The following SLC49A3 variants were observed in gnomAD, a reference collection of about 807,000 sequenced individuals.
The protein encoded by SLC49A3 is solute carrier family 49 member A3.
SLC49A3 carries 50 observed loss-of-function variants against 43.8 expected under a neutral mutation model. The observed-to-expected ratio is 1.14, with a 90% CI of 0.91 to 1.45. The LOEUF is 1.45. Ranked by LOEUF, SLC49A3 falls within the 40% of genes most tolerant of loss-of-function variation. The probability of loss-of-function intolerance (pLI) is 0.00; values close to 1 mark genes in which losing one functional copy is unlikely to be tolerated. For missense variants in SLC49A3, 906 were observed against 774.1 expected (o/e 1.17, Z -2.02); for synonymous variants, 413 against 352.0 (o/e 1.17, Z -1.94).
downstream of SLC49A3, chr4:678,096 T>C (rs1193326573): frequency 6.3e-7 from 1 of 1,594,834 alleles, no homozygotes; most frequent in South Asian, 1.1e-5. Context: ...CATGTGTACA[T>C]GCGCACAGAC....
Position 685,856 on chromosome 4 carries a change from C to T in SLC49A3, c.564G>A (p.Lys188=). ...ANVLSPVLVK[K]GEDIPLMLGV... ...TCACCATTAACGGAATGTCCTCACCCTTCTTGACCAGCACAGGGGACAGCA... is the reference window on the plus strand; with the variant it reads ...TCACCATTAACGGAATGTCCTCACCTTTCTTGACCAGCACAGGGGACAGCA... Residue 188 remains lysine, a synonymous_variant, in exon 4 of 10, where the codon AAG becomes AAA. Transcript: ENST00000322224. This position sits in a 1 kb window ranked among gnomAD's most constrained non-coding sequence, Gnocchi z 4.3. The T allele has an allele frequency of 2.5e-6, 4 of 1,614,036 alleles. No individual in the cohort carries two copies. The highest frequency in any genetic ancestry group is 3.4e-6 in the Non-Finnish European group (4 of 1,179,998).
chr4:691,412 G>A (rs1472673721), upstream of SLC49A3, among the ~76,000 whole-genome samples: 1 of 151,968 alleles, frequency 6.6e-6, no homozygotes, highest in African/African-American at 2.4e-5. Flanking sequence ...TGGCCAATAT[G>A]GTGAAACCGT....
At chr4:688,759 G>C in intron 1 of SLC49A3, 1 of 533,026 alleles carries the variant, frequency 1.9e-6, no homozygotes, top group East Asian at 3.7e-5. Flanking sequence ...GAAGGGCTGG[G>C]ACTCCGTGAC....
At chr4:687,664 G>A (rs564789575) in intron 1 of SLC49A3, among the ~76,000 whole-genome samples, 19 of 152,330 alleles carry the variant, frequency 1.2e-4, no homozygotes, top group African/African-American at 4.1e-4. Context: ...GCGGGGCAAC[G>A]TGGGAGGACG....
chr4:683,174 T>C (rs1220028487), intron 8 of SLC49A3, 36 bp downstream of exon 8: 3 of 1,610,964 alleles, frequency 1.9e-6, no homozygotes, highest in South Asian at 1.1e-5. Context: ...AAGGGGAGTA[T>C]CTCTGGGGTT....
chr4:678,177 CATGAGCGTGTGT>C, downstream of SLC49A3: 1 of 1,537,264 alleles, frequency 6.5e-7, no homozygotes, highest in South Asian at 1.2e-5. Context: ...TATGTGTGTG[CATGAGCGTGTGT>C]ATGTGCGTGT....
At position 683,290 on chromosome 4, in the gene SLC49A3, G is replaced by A; in HGVS notation, c.1071C>T (p.Gly357=). 1 of 1,612,704 alleles carries A rather than the reference G, an allele frequency of 6.2e-7. No individual in the cohort carries two copies. The highest frequency in any genetic ancestry group is 8.5e-7 in the Non-Finnish European group (1 of 1,179,830). The change falls in exon 8 of 10, where the codon GGC becomes GGT. Residue 357 remains glycine, a synonymous_variant. Coordinates refer to ENST00000322224, the MANE Select transcript of SLC49A3 (RefSeq NM_032219.4). ...SLLGLFGFSV[G]PVAMELAVEC... ...CGACCGCCAACTCCATGGCCACGGG[G>A]CCCACCGAGAAGCCAAACAGCCCGA...
intron 4 of SLC49A3, 78 bp from the exon 5 acceptor site, chr4:684,934 G>T (rs982527992): frequency 1.3e-6 from 2 of 1,511,786 alleles, no homozygotes; most frequent in Non-Finnish European, 1.8e-6. Context: ...TGTCCCAGGC[G>T]CCACCTCCCA....
downstream of SLC49A3, chr4:676,951 C>T: frequency 1.0e-6 from 1 of 985,070 alleles, no homozygotes; most frequent in Non-Finnish European, 1.2e-6. Context: ...GGGACGCCAA[C>T]TGTGACCATG....
At position 683,385 on chromosome 4, in the gene SLC49A3, G is replaced by T; in HGVS notation, c.994-18C>A. The T allele has an allele frequency of 6.2e-7, 1 of 1,602,958 alleles. No homozygotes were observed. Among genetic ancestry groups the T allele is most frequent in the Non-Finnish European group, 8.5e-7 (1 of 1,174,058 alleles). On this transcript the variant is annotated intron_variant, in intron 7 of 9. Transcript: ENST00000322224. ...TGGGACACCTGGGAGCAGCGGAACG[G>T]CAGGCAGACAGGTGGAGGGGGTGGC... is the stretch of plus-strand genomic sequence containing the variant.
Position 685,199 on chromosome 4 carries a change from A to G in SLC49A3, c.586-343T>C, listed in dbSNP as rs183235710. 6.9e-4 allele frequency: 281 copies of G among 405,136 alleles called. 2 individuals carry two copies. Among genetic ancestry groups the G allele is most frequent in the African/African-American group, 5.5e-3 (266 of 48,654 alleles). 25.1% of individuals were successfully genotyped at this position (405,136 alleles called of 1,614,324 possible). A position where few individuals can be genotyped will look rare whatever the true frequency, so the allele number is the denominator to read the frequency against. ...CAGGTGGGTGCAGAGGCACACGTGC[A>G]TACAGACTCACGCTCAGTACATACC... is the stretch of plus-strand genomic sequence containing the variant. On this transcript the variant is annotated intron_variant, in intron 4 of 9. Transcript: ENST00000322224. The surrounding 1 kb of genome is among the most constrained non-coding windows in gnomAD (Gnocchi z 4.3).
chr4:682,080 C>T lies in SLC49A3; in HGVS notation c.1558G>A (p.Gly520Ser), dbSNP rs770490496. The T allele has an allele frequency of 7.1e-6, 10 of 1,405,252 alleles. No homozygotes were observed. The highest frequency in any genetic ancestry group is 7.5e-6 in the Non-Finnish European group (8 of 1,068,526). 87.0% of individuals were successfully genotyped at this position (1,405,252 alleles called of 1,614,324 possible). Residue 520 changes from glycine to serine, a missense_variant, in exon 10 of 10, where the codon GGC becomes AGC. Physicochemically the swap from Gly to Ser is moderately conservative, Grantham distance 56. Transcript: ENST00000322224. Reference sequence around the variant, plus strand: ...GAGGGCGCGTCGGTGGCTGCTGGGCCTTGCGCACGGGGAGTCGCTCGGTGG... The same window carrying T: ...GAGGGCGCGTCGGTGGCTGCTGGGCTTTGCGCACGGGGAGTCGCTCGGTGG... Reference protein sequence around the residue: ...ACHRATPRAQGPAATDAPSRP... With the variant: ...ACHRATPRAQSPAATDAPSRP...
intron 1 of SLC49A3, 142 bp downstream of exon 1, chr4:688,851 G>A (rs968356050): frequency 1.4e-5 from 18 of 1,329,160 alleles, no homozygotes; most frequent in Middle Eastern, 2.5e-4. Flanking sequence ...CCCAGTGCCC[G>A]CAATCCCTAG....
chr4:683,451 G>A (rs1740270579), intron 7 of SLC49A3, 84 bp from the exon 8 acceptor site: 3 of 1,530,364 alleles, frequency 2.0e-6, no homozygotes, highest in African/African-American at 1.4e-5. Context: ...TGGGACACGG[G>A]GCAGGAGAAC....
Position 688,974 on chromosome 4 carries a change from T to TCCCCGCCCCTGC in SLC49A3, c.135+7_135+18dup. 1 of 1,582,964 alleles carries TCCCCGCCCCTGC rather than the reference T, an allele frequency of 6.3e-7. No individual in the cohort carries two copies. The highest frequency in any genetic ancestry group is 8.6e-7 in the Non-Finnish European group (1 of 1,167,676). On this transcript the variant is annotated intron_variant, in intron 1 of 9. Coordinates refer to ENST00000322224, the MANE Select transcript of SLC49A3 (RefSeq NM_032219.4). Reference sequence around the variant, plus strand: ...GGACTGAGGGTCCCGGAGCCACCTGTCCCCGCCCCTGCCCCTACCGTGGCG... The same window carrying TCCCCGCCCCTGC: ...GGACTGAGGGTCCCGGAGCCACCTGTCCCCGCCCCTGCCCCCGCCCCTGCCCCTACCGTGGCG...
chr4:688,285 G>C (rs949417214), intron 1 of SLC49A3, among the ~76,000 whole-genome samples: 1 of 152,200 alleles, frequency 6.6e-6, no homozygotes, highest in Non-Finnish European at 1.5e-5. Flanking sequence ...TACCCAGCCA[G>C]CAAAGGAGGA....
chr4:682,942 C>T, intron 8 of SLC49A3, 52 bp from the exon 9 acceptor site: 1 of 1,435,246 alleles, frequency 7.0e-7, no homozygotes, highest in Non-Finnish European at 9.4e-7. Context: ...CCCTCGGAGC[C>T]AGGTGCCACC....
downstream of SLC49A3, chr4:681,249 C>A: frequency 7.3e-7 from 1 of 1,366,262 alleles, no homozygotes; most frequent in Non-Finnish European, 1.0e-6. Context: ...CGGTTAGGAC[C>A]CAGGACAGAA....
Position 686,309 on chromosome 4 carries a change from G to C in SLC49A3, c.295-7C>G. ...GCCACGCACCCAGGATGGTCTGCGA[G>C]GAGGGGGTCGGGGACCGGGTCAGGA... is the stretch of plus-strand genomic sequence containing the variant. On this transcript the variant is annotated splice_polypyrimidine_tract_variant and splice_region_variant and intron_variant, in intron 2 of 9. Transcript: ENST00000322224. 1 of 1,612,720 alleles carries C rather than the reference G, an allele frequency of 6.2e-7. No individual in the cohort carries two copies.
Sources: gnomAD v4.1 joint callset for allele counts (sites outside exome capture counted in the v4.1 genomes callset) on GRCh38, gnomAD v4.1.1 for gene constraint, Gnocchi (gnomAD v3.1) non-coding constraint, MANE v1.5 for transcripts, NCBI Gene and HGNC (gene_info 2026-07-23, HGNC 2026-07-21) for gene names.